Variants in CARM1 observed in about 807,000 individuals in gnomAD.
CARM1 encodes histone-arginine methyltransferase CARM1.
Under a neutral mutation model 72.7 loss-of-function variants are expected in CARM1, and 14 were observed. The observed-to-expected ratio is 0.19, with a 90% CI of 0.13 to 0.30. The LOEUF (loss-of-function observed/expected upper bound fraction) is 0.30. Ranked by LOEUF, CARM1 falls within the 10% of genes least tolerant of loss-of-function variation. The probability of loss-of-function intolerance (pLI) is 1.00; values close to 1 mark genes in which losing one functional copy is unlikely to be tolerated. For synonymous variants in CARM1, 333 were observed against 345.5 expected, an observed-to-expected ratio of 0.96 and a Z score of 0.40; for missense variants, 432 against 833.7, an observed-to-expected ratio of 0.52 and a Z score of 5.93.
rs371664059 is a variant in CARM1 at position 10,881,396 on chromosome 19, T to C, written c.220+9474T>C. Among the ~76,000 whole-genome samples, 44 of 152,210 alleles carry C rather than the reference T, an allele frequency of 2.9e-4. 1 individual carries two copies. Among genetic ancestry groups the C allele is most frequent in the African/African-American group, 8.4e-4 (35 of 41,548 alleles). ...CCAGTTCCTGGAGGACAGCACCTGA[T>C]TGGGGAGTGGAGTCTGCCCTGGCTG... On this transcript the variant is annotated intron_variant, in intron 1 of 15. Transcript: ENST00000327064.
At position 10,920,463 on chromosome 19, in the gene CARM1, G is replaced by T. The variant is rs199558419; in HGVS notation, c.1224G>T (p.Pro408=). The change falls in exon 11 of 16, where the codon CCG becomes CCT. Residue 408 remains proline (P), a synonymous_variant. Coordinates refer to ENST00000327064, the MANE Select transcript of CARM1 (RefSeq NM_199141.2). The surrounding 1 kb of genome is among the most constrained non-coding windows in gnomAD (Gnocchi z 5.3). ...SIMTVWLSTA[P]TEPLTHWYQV... is the part of the protein sequence containing the mutation. ...TGACCGTGTGGCTGTCCACAGCCCCGACAGAGCCCCTGACCCACTGGTACC... is the reference window on the plus strand; with the variant it reads ...TGACCGTGTGGCTGTCCACAGCCCCTACAGAGCCCCTGACCCACTGGTACC... The T allele has an allele frequency of 2.5e-6, 4 of 1,613,080 alleles. No homozygotes were observed. In the African/African-American group the frequency reaches 5.3e-5, roughly 22 times the overall value.
intron 1 of CARM1, among the ~76,000 whole-genome samples, chr19:10,872,481 G>A (rs1237086445): frequency 6.6e-6 from 1 of 152,166 alleles, no homozygotes; most frequent in Admixed American, 6.5e-5. Context: ...CCCCCGAATG[G>A]GAAACTTCAG....
At position 10,904,972 on chromosome 19, in the gene CARM1, A is replaced by G; in HGVS notation, c.242A>G (p.Lys81Arg). The change falls in exon 2 of 16, where the codon AAG becomes AGG. Residue 81 changes from lysine to arginine, a missense_variant. Around this residue, in one of 3 missense-constraint regions of CARM1, gnomAD observed 138 missense variants for 192.3 expected, o/e 0.72. Transcript: ENST00000327064. ...GTAGATGAAGATGTGTGTGTCTTTAAGTGCTCAGTGTCCCGAGAGACAGAG... is the reference window on the plus strand; with the variant it reads ...GTAGATGAAGATGTGTGTGTCTTTAGGTGCTCAGTGTCCCGAGAGACAGAG... ...LYSHEDVCVF[K>R]CSVSRETECS... is the part of the protein sequence containing the mutation. The G allele has an allele frequency of 6.2e-7, 1 of 1,614,216 alleles. No individual in the cohort carries two copies. The highest frequency in any genetic ancestry group is 8.5e-7 in the Non-Finnish European group (1 of 1,180,018).
At chr19:10,918,271 A>G (rs2074213750) in intron 8 of CARM1, among the ~76,000 whole-genome samples, 1 of 152,126 alleles carries the variant, frequency 6.6e-6, no homozygotes, top group South Asian at 2.1e-4. Context: ...CCCAGGCTGG[A>G]GTACAGTGGC....
At chr19:10,910,557 AT>A (rs936800519) in intron 4 of CARM1, among the ~76,000 whole-genome samples, 1 of 148,516 alleles carries the variant, frequency 6.7e-6, no homozygotes, top group African/African-American at 2.5e-5. Flanking sequence ...TACCTTTTTT[AT>A]TTTTTTATTT....
intron 1 of CARM1, among the ~76,000 whole-genome samples, chr19:10,873,864 C>G (rs2073841942): frequency 1.3e-5 from 2 of 151,906 alleles, no homozygotes; most frequent in East Asian, 2.0e-4. Context: ...TGGTCTTGAT[C>G]TCCTGACCTC....
chr19:10,915,972 G>A lies in CARM1; in HGVS notation c.848-435G>A, dbSNP rs762673973. 2.2e-4 allele frequency among the ~76,000 whole-genome samples: 34 copies of A among 152,194 alleles called. No individual in the cohort carries two copies. Among genetic ancestry groups the A allele is most frequent in the Non-Finnish European group, 3.7e-4 (25 of 68,020 alleles). ...CTTGGCCTCAACTGAGGTCCCCAGC[G>A]GCGTTGGGGTAGCCCGGGGCCCACC... On this transcript the variant is annotated intron_variant, in intron 6 of 15. Coordinates refer to ENST00000327064, the MANE Select transcript of CARM1 (RefSeq NM_199141.2). The surrounding 1 kb of genome is among the most constrained non-coding windows in gnomAD (Gnocchi z 4.6).
At chr19:10,909,016 G>T (rs1336789966) in intron 3 of CARM1, 87 bp from the exon 4 acceptor site, 2 of 965,548 alleles carry the variant, frequency 2.1e-6, no homozygotes, top group Non-Finnish European at 1.6e-6. Context: ...GCCCTAGATG[G>T]CCCCTTGCTC....
intron 1 of CARM1, among the ~76,000 whole-genome samples, chr19:10,879,214 G>A (rs898466210): frequency 3.3e-5 from 5 of 152,228 alleles, no homozygotes; most frequent in Non-Finnish European, 7.3e-5. Context: ...GGACAAAGGA[G>A]AAAGGGTGCA....
intron 1 of CARM1, among the ~76,000 whole-genome samples, chr19:10,874,268 G>T (rs954966337): frequency 6.6e-6 from 1 of 152,096 alleles, no homozygotes; most frequent in Admixed American, 6.5e-5. Context: ...TTCATAAAAA[G>T]GAGAAAGTCC....
intron 3 of CARM1, 29 bp from the exon 4 acceptor site, chr19:10,909,074 C>A (rs774516880): frequency 8.4e-6 from 13 of 1,550,700 alleles, no homozygotes; most frequent in South Asian, 1.1e-5. Context: ...CACCATGTGC[C>A]CCGTGCCATC....
chr19:10,913,845 AG>A (rs1568355510), intron 5 of CARM1, 31 bp from the exon 6 acceptor site: 1 of 1,597,482 alleles, frequency 6.3e-7, no homozygotes, highest in South Asian at 1.1e-5. Flanking sequence ...AGGAAGACGC[AG>A]GGAAGCCCAC....
At position 10,871,980 on chromosome 19, in the gene CARM1, G is replaced by C. The variant is rs1477328907; in HGVS notation, c.220+58G>C. ...CGGGGCTGCTCACGAGGCCGGCCCG[G>C]GGCGGGGGCCGGCGGGGAGGGGCCC... On this transcript the variant is annotated intron_variant, in intron 1 of 15. Coordinates refer to ENST00000327064, the MANE Select transcript of CARM1 (RefSeq NM_199141.2). This position sits in a 1 kb window ranked among gnomAD's most constrained non-coding sequence, Gnocchi z 5.6. 3.5e-6 allele frequency: 4 copies of C among 1,157,512 alleles called. No individual in the cohort carries two copies. Among genetic ancestry groups the C allele is most frequent in the Non-Finnish European group, 3.2e-6 (3 of 938,396 alleles). The allele number at this position is 1,157,512 out of a possible 1,614,324, so 71.7% of individuals were successfully genotyped here. A position where few individuals can be genotyped will look rare whatever the true frequency, so the allele number is the denominator to read the frequency against.
chr19:10,909,039 G>A, intron 3 of CARM1, 64 bp from the exon 4 acceptor site: 1 of 1,273,688 alleles, frequency 7.9e-7, no homozygotes, highest in Non-Finnish European at 1.1e-6. Flanking sequence ...TCACAGGGCT[G>A]GCCAGGGCCT....
At chr19:10,889,136 C>G (rs1164417124) in intron 1 of CARM1, among the ~76,000 whole-genome samples, 2 of 152,130 alleles carry the variant, frequency 1.3e-5, no homozygotes, top group Non-Finnish European at 2.9e-5. Flanking sequence ...GAGATCTGAC[C>G]TGGCAGTCTG....
intron 1 of CARM1, among the ~76,000 whole-genome samples, chr19:10,877,869 A>T (rs1397645644): frequency 6.6e-6 from 1 of 152,210 alleles, no homozygotes; most frequent in African/African-American, 2.4e-5. Flanking sequence ...CTGGGATTAC[A>T]GGCACATGCC....
chr19:10,920,498 G>A lies in CARM1; in HGVS notation c.1259G>A (p.Cys420Tyr). The A allele has an allele frequency of 6.2e-7, 1 of 1,613,888 alleles. No individual in the cohort carries two copies. Among genetic ancestry groups the A allele is most frequent in the Non-Finnish European group, 8.5e-7 (1 of 1,179,862 alleles). ...CTGACCCACTGGTACCAGGTGCGGT[G>A]CCTGTTCCAGTCACCACTGTTCGCC... is the stretch of plus-strand genomic sequence containing the variant. ...EPLTHWYQVRCLFQSPLFAKA... is the reference protein window; with the variant it reads ...EPLTHWYQVRYLFQSPLFAKA... Residue 420 changes from cysteine (C) to tyrosine (Y), a missense_variant, in exon 11 of 16, where the codon TGC becomes TAC. Physicochemically the swap from Cys to Tyr is radical, Grantham distance 194. This residue lies in a region of CARM1 where 152 missense variants were observed against 452.8 expected (regional missense o/e 0.34). Transcript: ENST00000327064. This position sits in a 1 kb window ranked among gnomAD's most constrained non-coding sequence, Gnocchi z 5.3.
At chr19:10,873,759 C>T (rs1362046357) in intron 1 of CARM1, among the ~76,000 whole-genome samples, 1 of 150,218 alleles carries the variant, frequency 6.7e-6, no homozygotes, top group Non-Finnish European at 1.5e-5. Context: ...CCTGCCTCAG[C>T]CTCCCGAGTA....
At chr19:10,889,863 G>T (rs1255108286) in intron 1 of CARM1, among the ~76,000 whole-genome samples, 1 of 152,096 alleles carries the variant, frequency 6.6e-6, no homozygotes, top group Non-Finnish European at 1.5e-5. Context: ...AGGAAACCTT[G>T]CCCATGGAAT....
Sources: allele counts gnomAD v4.1 joint callset (sites outside exome capture counted in the v4.1 genomes callset), GRCh38; gene constraint gnomAD v4.1.1; regional missense constraint gnomAD v4.1.1; non-coding constraint Gnocchi (gnomAD v3.1); transcripts MANE v1.5; gene names NCBI Gene and HGNC (gene_info 2026-07-23, HGNC 2026-07-21).